The following CCSER1 variants were observed in gnomAD, a reference collection of about 807,000 sequenced individuals.
The protein encoded by CCSER1 is coiled-coil serine rich protein 1.
In CCSER1, 41 loss-of-function variants were observed where a neutral mutation model predicts 82.0. The ratio of observed to expected loss-of-function variants is 0.50; its 90% CI spans 0.39 to 0.65. CCSER1 has a LOEUF of 0.65. Among genes scored for constraint, CCSER1 ranks in the 30% least tolerant of loss-of-function variants. CCSER1 has a pLI of 0.00. For synonymous variants in CCSER1, 414 were observed against 383.9 expected (o/e 1.08, Z -0.92); for missense variants, 1,119 against 1,064.2 (o/e 1.05, Z -0.72).
intron 8 of CCSER1, among the ~76,000 whole-genome samples, chr4:90,899,210 G>A (rs1448189182): frequency 6.6e-6 from 1 of 151,742 alleles, no homozygotes; most frequent in Non-Finnish European, 1.5e-5. Flanking sequence ...TATTTTTTGT[G>A]GCAATTGTAA....
intron 6 of CCSER1, among the ~76,000 whole-genome samples, chr4:90,712,271 T>C (rs1045381032): frequency 6.6e-6 from 1 of 152,044 alleles, no homozygotes; most frequent in Non-Finnish European, 1.5e-5. Flanking sequence ...CTTTTTGATG[T>C]GGACATTTAG....
chr4:91,338,279 A>G (rs1747456237), intron 10 of CCSER1, among the ~76,000 whole-genome samples: 1 of 152,130 alleles, frequency 6.6e-6, no homozygotes, highest in African/African-American at 2.4e-5. Flanking sequence ...AAACCTGTAA[A>G]TATATAGATG....
chr4:90,329,603 ATTTAC>A (rs1158077865), intron 3 of CCSER1, among the ~76,000 whole-genome samples: 1 of 152,086 alleles, frequency 6.6e-6, no homozygotes, highest in Non-Finnish European at 1.5e-5. Flanking sequence ...GTAATGTGCT[ATTTAC>A]TTGATTTGTA....
At chr4:91,332,928 A>G (rs540541379) in intron 10 of CCSER1, among the ~76,000 whole-genome samples, 60 of 152,132 alleles carry the variant, frequency 3.9e-4, no homozygotes, top group African/African-American at 8.4e-4. Context: ...TATTTCTATT[A>G]TGTATAAAAG....
At chr4:91,267,836 T>C (rs1741720233) in intron 10 of CCSER1, among the ~76,000 whole-genome samples, 1 of 152,222 alleles carries the variant, frequency 6.6e-6, no homozygotes, top group Admixed American at 6.5e-5. Flanking sequence ...GTGATTACTA[T>C]TGTAAGTTAA....
chr4:91,484,034 A>G (rs561119949), intron 10 of CCSER1, among the ~76,000 whole-genome samples: 2 of 140,812 alleles, frequency 1.4e-5, no homozygotes, highest in African/African-American at 2.6e-5. Flanking sequence ...AGCACTGTTG[A>G]GTCTTATTCT....
At chr4:90,572,986 A>G (rs1312445380) in intron 5 of CCSER1, among the ~76,000 whole-genome samples, 1 of 152,204 alleles carries the variant, frequency 6.6e-6, no homozygotes, top group African/African-American at 2.4e-5. Context: ...GAAAGCCCTG[A>G]GGTATATGTG....
At chr4:91,522,213 A>G (rs148657177) in intron 10 of CCSER1, among the ~76,000 whole-genome samples, 10,932 of 151,454 alleles carry the variant, frequency 0.072, 544 homozygotes, top group Middle Eastern at 0.12. Flanking sequence ...ACTTCCGAGG[A>G]CTCTGTTCTG....
intron 10 of CCSER1, among the ~76,000 whole-genome samples, chr4:91,586,604 A>C (rs1384269178): frequency 6.6e-6 from 1 of 151,832 alleles, no homozygotes; most frequent in African/African-American, 2.4e-5. Context: ...TATCCATTTT[A>C]CTTGACAACT....
At chr4:90,176,364 C>G (rs1025277904) in intron 1 of CCSER1, among the ~76,000 whole-genome samples, 1 of 151,916 alleles carries the variant, frequency 6.6e-6, no homozygotes, top group Non-Finnish European at 1.5e-5. Flanking sequence ...TTGCAACTTC[C>G]GCAGAGAAGG....
At chr4:91,303,071 A>C (rs1046196050) in intron 10 of CCSER1, among the ~76,000 whole-genome samples, 16 of 152,030 alleles carry the variant, frequency 1.1e-4, no homozygotes, top group Non-Finnish European at 2.1e-4. Context: ...TCAATAAAAA[A>C]GTTTGAAGTA....
intron 6 of CCSER1, among the ~76,000 whole-genome samples, chr4:90,705,401 G>A (rs1458364681): frequency 1.3e-5 from 2 of 152,314 alleles, no homozygotes; most frequent in African/African-American, 4.8e-5. Context: ...TTGCCTCCCA[G>A]TTAGGCTATT....
rs568278304 is a variant in CCSER1, at chr4:91,454,072, G to C, written c.2218-144500G>C. ...AGAACTTTCATATACATGGTTTAAC[G>C]TTCAGAGGTAATCAAGAACATGGAA... On this transcript the variant is annotated intron_variant, in intron 10 of 10. Transcript: ENST00000509176. Among the ~76,000 whole-genome samples the C allele has an allele frequency of 1.4e-4, 21 of 152,130 alleles. 2 individuals are homozygous for C. The highest frequency in any genetic ancestry group is 1.1e-3 in the Admixed American group (17 of 15,254).
At chr4:90,419,854 A>G (rs1756416280) in intron 4 of CCSER1, among the ~76,000 whole-genome samples, 1 of 151,948 alleles carries the variant, frequency 6.6e-6, no homozygotes, top group African/African-American at 2.4e-5. Flanking sequence ...AGTTCTTCAT[A>G]TGCTTTAACT....
At chr4:91,097,365 A>G (rs1357077300) in intron 10 of CCSER1, among the ~76,000 whole-genome samples, 1 of 152,214 alleles carries the variant, frequency 6.6e-6, no homozygotes, top group South Asian at 2.1e-4. Flanking sequence ...CTCAGGAACC[A>G]TAGAGGCTAT....
At chr4:90,725,979 A>T (rs1450998206) in intron 7 of CCSER1, among the ~76,000 whole-genome samples, 3 of 151,822 alleles carry the variant, frequency 2.0e-5, no homozygotes, top group Non-Finnish European at 4.4e-5. Context: ...AATCCTCTTA[A>T]CCTCTTAGCT....
intron 5 of CCSER1, among the ~76,000 whole-genome samples, chr4:90,506,204 GGGA>G (rs1770656702): frequency 6.6e-6 from 1 of 152,162 alleles, no homozygotes; most frequent in Non-Finnish European, 1.5e-5. Flanking sequence ...TTTTCCCAAA[GGGA>G]TAACATTAAG....
chr4:90,315,635 C>A (rs1736036767), intron 3 of CCSER1, among the ~76,000 whole-genome samples: 1 of 152,084 alleles, frequency 6.6e-6, no homozygotes, highest in South Asian at 2.1e-4. Flanking sequence ...TCCCGAGTAG[C>A]TGGGACCACA....
intron 8 of CCSER1, among the ~76,000 whole-genome samples, chr4:90,894,019 A>C (rs1350978387): frequency 6.6e-5 from 10 of 152,050 alleles, no homozygotes; most frequent in Admixed American, 4.6e-4. Context: ...TCCATGTAAA[A>C]TGAAAATAGA....
Sources: gnomAD v4.1 joint callset for allele counts (sites outside exome capture counted in the v4.1 genomes callset) on GRCh38, gnomAD v4.1.1 for gene constraint, MANE v1.5 for transcripts, NCBI Gene and HGNC (gene_info 2026-07-23, HGNC 2026-07-21) for gene names.